Variants in CCDC178 observed in about 807,000 individuals in gnomAD.
CCDC178 encodes the protein coiled-coil domain-containing protein 178.
A neutral mutation model predicts 117.4 loss-of-function variants in CCDC178; 126 were observed. The ratio of observed to expected loss-of-function variants is 1.07; its 90% CI spans 0.93 to 1.24. CCDC178 has a LOEUF of 1.24. Among genes scored for constraint, CCDC178 ranks in the 50% most tolerant of loss-of-function variants. The pLI, the probability that CCDC178 is intolerant of heterozygous loss-of-function variation, is 0.00. For synonymous variants in CCDC178, 283 were observed against 313.4 expected (o/e 0.90, Z 1.02); for missense variants, 1,030 against 986.9 (o/e 1.04, Z -0.59).
chr18:32,971,014 T>C (rs998147343), intron 22 of CCDC178, among the ~76,000 whole-genome samples: 7 of 152,094 alleles, frequency 4.6e-5, no homozygotes, highest in African/African-American at 1.7e-4. Flanking sequence ...TATGTATTTA[T>C]TTTTATTTTA....
At chr18:33,083,179 G>A (rs1340597633) in intron 21 of CCDC178, among the ~76,000 whole-genome samples, 10 of 152,124 alleles carry the variant, frequency 6.6e-5, no homozygotes, top group Non-Finnish European at 2.9e-5. Context: ...TACAGATCAG[G>A]AACCACAGGC....
chr18:33,396,348 T>C lies in CCDC178; in HGVS notation c.118+801A>G, dbSNP rs113878980. ...CAACTGGAACATTCCTACACTGTTA[T>C]GTCACTGTAAATTCATGTAATTACT... On this transcript the variant is annotated intron_variant, in intron 4 of 22. Coordinates refer to ENST00000383096, the MANE Select transcript of CCDC178 (RefSeq NM_001105528.4). 3.2e-3 allele frequency among the ~76,000 whole-genome samples: 483 copies of C among 152,254 alleles called. 3 individuals carry two copies. Among genetic ancestry groups the C allele is most frequent in the African/African-American group, 0.011 (449 of 41,556 alleles).
chr18:33,421,426 T>C (rs2064022355), intron 2 of CCDC178, among the ~76,000 whole-genome samples: 2 of 152,224 alleles, frequency 1.3e-5, no homozygotes, highest in South Asian at 4.1e-4. Context: ...TCACAGTTCT[T>C]GCCAGGAAGC....
At chr18:32,966,179 A>G (rs1295834466) in intron 22 of CCDC178, among the ~76,000 whole-genome samples, 1 of 151,858 alleles carries the variant, frequency 6.6e-6, no homozygotes. Context: ...TTTATCTCAC[A>G]TAGCTGGCAA....
intron 20 of CCDC178, among the ~76,000 whole-genome samples, chr18:33,098,487 C>G (rs2057576938): frequency 6.6e-6 from 1 of 152,014 alleles, no homozygotes; most frequent in Non-Finnish European, 1.5e-5. Flanking sequence ...TTCTGATGAT[C>G]TGTCTGTCAT....
At chr18:33,238,176 A>G (rs945331279) in intron 15 of CCDC178, among the ~76,000 whole-genome samples, 4 of 152,230 alleles carry the variant, frequency 2.6e-5, no homozygotes, top group African/African-American at 9.6e-5. Flanking sequence ...AACGTACTCC[A>G]TAAAATCGGA....
At chr18:33,015,863 A>G (rs2055977726) in intron 21 of CCDC178, among the ~76,000 whole-genome samples, 1 of 152,220 alleles carries the variant, frequency 6.6e-6, no homozygotes, top group Non-Finnish European at 1.5e-5. Context: ...AAATAAAAGC[A>G]TTCCCTGGAG....
At chr18:33,176,560 C>T (rs192937881) in intron 20 of CCDC178, among the ~76,000 whole-genome samples, 3 of 152,262 alleles carry the variant, frequency 2.0e-5, no homozygotes, top group East Asian at 3.9e-4. Flanking sequence ...TTTTCCCCCT[C>T]TTTCACTAGA....
intron 9 of CCDC178, among the ~76,000 whole-genome samples, chr18:33,342,275 ATAAT>A (rs1311948853): frequency 2.6e-4 from 39 of 152,206 alleles, no homozygotes; most frequent in African/African-American, 4.1e-4. Flanking sequence ...TACAGAATAA[ATAAT>A]TAACAATTGA....
chr18:33,277,387 T>C (rs1237411355), intron 12 of CCDC178, among the ~76,000 whole-genome samples: 1 of 152,202 alleles, frequency 6.6e-6, no homozygotes, highest in African/African-American at 2.4e-5. Context: ...TTGCAAATTC[T>C]ATATGAGGAA....
chr18:33,120,996 A>T (rs572805138), intron 20 of CCDC178, among the ~76,000 whole-genome samples: 10 of 152,252 alleles, frequency 6.6e-5, no homozygotes, highest in African/African-American at 2.4e-4. Flanking sequence ...TTTAAAAGCC[A>T]TATATGAGTG....
At chr18:33,265,692 T>TG (rs1366079567) in intron 14 of CCDC178, among the ~76,000 whole-genome samples, 3 of 151,926 alleles carry the variant, frequency 2.0e-5, no homozygotes, top group African/African-American at 2.4e-5. Flanking sequence ...GGATATGTGG[T>TG]GGGGGGTCTT....
At chr18:33,295,001 C>T (rs1334467179) in intron 11 of CCDC178, among the ~76,000 whole-genome samples, 2 of 152,096 alleles carry the variant, frequency 1.3e-5, no homozygotes, top group Non-Finnish European at 2.9e-5. Flanking sequence ...ATTGTTATAT[C>T]AGCTAAATCA....
intron 21 of CCDC178, among the ~76,000 whole-genome samples, chr18:33,010,273 T>C (rs1220109312): frequency 6.6e-6 from 1 of 152,186 alleles, no homozygotes; most frequent in Non-Finnish European, 1.5e-5. Flanking sequence ...CCTGTTATTC[T>C]AACGGTAGAA....
At chr18:33,138,346 G>A (rs930852286) in intron 20 of CCDC178, among the ~76,000 whole-genome samples, 7 of 152,150 alleles carry the variant, frequency 4.6e-5, no homozygotes. Flanking sequence ...ACCTCATGAG[G>A]TACAGGTATT....
chr18:33,054,512 A>G (rs1346176700), intron 21 of CCDC178, among the ~76,000 whole-genome samples: 2 of 152,178 alleles, frequency 1.3e-5, no homozygotes, highest in Non-Finnish European at 2.9e-5. Flanking sequence ...ACAACTGAGA[A>G]CATGCAGTGT....
intron 15 of CCDC178, 135 bp from the exon 16 acceptor site, chr18:33,226,990 T>C (rs2059310878): frequency 2.9e-6 from 1 of 340,080 alleles, no homozygotes; most frequent in Non-Finnish European, 5.1e-6. Flanking sequence ...ATTTATTATA[T>C]GTATTTTTAA....
intron 9 of CCDC178, among the ~76,000 whole-genome samples, chr18:33,342,095 T>C (rs555679706): frequency 3.9e-5 from 6 of 152,276 alleles, no homozygotes; most frequent in Admixed American, 6.5e-5. Context: ...AGGCAAAAAG[T>C]AATCAAGGCT....
intron 11 of CCDC178, among the ~76,000 whole-genome samples, chr18:33,296,641 G>C (rs1455043704): frequency 6.6e-6 from 1 of 152,126 alleles, no homozygotes; most frequent in African/African-American, 2.4e-5. Flanking sequence ...TCAAGATTGA[G>C]ATAAGACACA....
Sources: gnomAD v4.1 joint callset for allele counts (sites outside exome capture counted in the v4.1 genomes callset) on GRCh38, gnomAD v4.1.1 for gene constraint, MANE v1.5 for transcripts, NCBI Gene and HGNC (gene_info 2026-07-23, HGNC 2026-07-21) for gene names.